Variants in RPN2 observed in about 807,000 individuals in gnomAD.
RPN2 encodes ribophorin II.
Under a neutral mutation model 71.4 loss-of-function variants are expected in RPN2, and 29 were observed. The observed-to-expected ratio is 0.41, with a 90% confidence interval of 0.30 to 0.55. RPN2 has a LOEUF of 0.55. Among genes scored for constraint, RPN2 ranks in the 20% least tolerant of loss-of-function variants. The probability of loss-of-function intolerance (pLI) is 0.35; values close to 1 mark genes in which losing one functional copy is unlikely to be tolerated. For synonymous variants in RPN2, 308 were observed against 305.0 expected, an observed-to-expected ratio of 1.01 and a Z score of -0.10; for missense variants, 726 against 774.1, an observed-to-expected ratio of 0.94 and a Z score of 0.74.
chr20:37,195,514 C>T (rs1474987569), intron 2 of RPN2, among the ~76,000 whole-genome samples: 2 of 152,166 alleles, frequency 1.3e-5, no homozygotes, highest in African/African-American at 4.8e-5. Flanking sequence ...GTTACTTTGC[C>T]TTTATAATGC....
chr20:37,200,405 G>A (rs1351383559), intron 4 of RPN2: 1 of 494,624 alleles, frequency 2.0e-6, no homozygotes, highest in Non-Finnish European at 4.1e-6. Context: ...TATTTTTTTT[G>A]TCATTTTATT....
intron 8 of RPN2, among the ~76,000 whole-genome samples, chr20:37,211,352 TG>T (rs2067659741): frequency 6.9e-6 from 1 of 144,332 alleles, no homozygotes; most frequent in South Asian, 2.5e-4. Flanking sequence ...AAATTAGAGA[TG>T]GGGGCCAGGT....
chr20:37,236,745 G>T (rs746770607), intron 16 of RPN2, 36 bp downstream of exon 16: 2 of 1,607,864 alleles, frequency 1.2e-6, no homozygotes, highest in Non-Finnish European at 8.5e-7. Flanking sequence ...CTAGAGTAGG[G>T]TTAGAAATAC....
At chr20:37,237,146 T>C (rs528635823) in intron 16 of RPN2, among the ~76,000 whole-genome samples, 2 of 152,162 alleles carry the variant, frequency 1.3e-5, no homozygotes, top group South Asian at 2.1e-4. Flanking sequence ...GTCTGTGTTA[T>C]TTCCCACAGA....
rs571996814 is a variant in RPN2, at chr20:37,231,750, T to C, written c.1582-546T>C. On this transcript the variant is annotated intron_variant, in intron 13 of 16. Coordinates refer to ENST00000237530, the MANE Select transcript of RPN2 (RefSeq NM_002951.5). Reference sequence around the variant, plus strand: ...AAAAGAAATGAGAGCGGGAAGTTCGTTTAGGGCTTCCTTAGAGCCATGGCT... The same window carrying C: ...AAAAGAAATGAGAGCGGGAAGTTCGCTTAGGGCTTCCTTAGAGCCATGGCT... 5.3e-5 allele frequency among the ~76,000 whole-genome samples: 8 copies of C among 150,846 alleles called. No homozygotes were observed. The East Asian group carries it at 1.6e-3, about 29-fold the overall frequency.
intron 7 of RPN2, 54 bp downstream of exon 7, chr20:37,207,503 G>T (rs1462364379): frequency 1.3e-6 from 2 of 1,551,782 alleles, no homozygotes; most frequent in East Asian, 4.5e-5. Context: ...CTAGTGGAAG[G>T]CTTTCAGAAA....
chr20:37,218,379 C>T (rs2067869521), intron 9 of RPN2, among the ~76,000 whole-genome samples: 1 of 151,998 alleles, frequency 6.6e-6, no homozygotes, highest in African/African-American at 2.4e-5. Context: ...CACTACTGCA[C>T]TCTAGCCTGG....
At chr20:37,224,816 G>C (rs7266776) in intron 10 of RPN2, among the ~76,000 whole-genome samples, 1 of 151,922 alleles carries the variant, frequency 6.6e-6, no homozygotes, top group Non-Finnish European at 1.5e-5. Flanking sequence ...TTAGCCAGAG[G>C]CTGGAAGCCA....
chr20:37,234,111 T>A lies in RPN2; in HGVS notation c.1753+16T>A. On this transcript the variant is annotated intron_variant, in intron 15 of 16. Transcript: ENST00000237530. The stretch of plus-strand genomic sequence containing the variant: ...GGACATGCTGGTAAGTGCCCCAGGC[T>A]GCTAATTACCTGTAACGTCCTCTGA... 1 of 1,613,552 alleles carries A rather than the reference T, an allele frequency of 6.2e-7. No homozygotes were observed.
chr20:37,217,212 G>A (rs1367370581), intron 9 of RPN2, among the ~76,000 whole-genome samples: 1 of 151,842 alleles, frequency 6.6e-6, no homozygotes, highest in Non-Finnish European at 1.5e-5. Context: ...GATTATAGGC[G>A]TGAACCACCA....
rs112872704 is a variant in RPN2 at position 37,196,239 on chromosome 20, T to G, written c.208-2158T>G. ...CGTGCCTAGTCTCCCCCCCACCTTT[T>G]TTTTTTTGAGACGGAGTCTCGCTCT... On this transcript the variant is annotated intron_variant, in intron 2 of 16. Coordinates refer to ENST00000237530, the MANE Select transcript of RPN2 (RefSeq NM_002951.5). 7.2e-3 allele frequency among the ~76,000 whole-genome samples: 1,095 copies of G among 151,976 alleles called. 14 individuals are homozygous for G. The highest frequency in any genetic ancestry group is 0.025 in the African/African-American group (1,046 of 41,458).
chr20:37,204,825 T>G lies in RPN2; in HGVS notation c.614T>G (p.Leu205Arg), dbSNP rs766743934. Reference sequence around the variant, plus strand: ...GTGTATCTCCAGTTTGAAGAAGGACTGGAAACAACAGCGTTATTTGTGGCT... The same window carrying G: ...GTGTATCTCCAGTTTGAAGAAGGACGGGAAACAACAGCGTTATTTGTGGCT... ...GGVYLQFEEG[L>R]ETTALFVAAT... Residue 205 changes from leucine to arginine, a missense_variant, in exon 6 of 17, where the codon CTG becomes CGG. Coordinates refer to ENST00000237530, the MANE Select transcript of RPN2 (RefSeq NM_002951.5). 1.5e-5 allele frequency: 24 copies of G among 1,614,052 alleles called. No individual in the cohort carries two copies. The highest frequency in any genetic ancestry group is 1.6e-4 in the Middle Eastern group (1 of 6,084).
At chr20:37,214,796 T>A (rs1008600189) in intron 9 of RPN2, among the ~76,000 whole-genome samples, 5 of 152,084 alleles carry the variant, frequency 3.3e-5, no homozygotes, top group Admixed American at 3.3e-4. Context: ...TTGAGTAAGG[T>A]GATTGTGTGC....
chr20:37,193,067 G>C (rs112941351), intron 2 of RPN2, among the ~76,000 whole-genome samples: 3,442 of 152,282 alleles, frequency 0.023, 53 homozygotes, highest in Middle Eastern at 0.034. Flanking sequence ...GTTGGAGGCT[G>C]CAGTGAGCTA....
intron 15 of RPN2, among the ~76,000 whole-genome samples, chr20:37,235,799 C>T (rs960850279): frequency 3.3e-5 from 5 of 151,740 alleles, no homozygotes; most frequent in African/African-American, 1.2e-4. Flanking sequence ...TATAGGCCTG[C>T]GCCACCACAC....
intron 4 of RPN2, 65 bp downstream of exon 4, chr20:37,199,290 A>AT: frequency 6.3e-7 from 1 of 1,583,654 alleles, no homozygotes; most frequent in Non-Finnish European, 8.6e-7. Flanking sequence ...AAGAGGGCTC[A>AT]TTCATTGGTT....
chr20:37,222,920 C>T (rs1407671578), intron 9 of RPN2, among the ~76,000 whole-genome samples: 1 of 152,206 alleles, frequency 6.6e-6, no homozygotes, highest in Admixed American at 6.5e-5. Flanking sequence ...AGAATTCAAA[C>T]ACTTTAAGAG....
rs1883509 is a variant in RPN2 at position 37,194,891 on chromosome 20, G to T, written c.208-3506G>T. 2.0e-5 allele frequency among the ~76,000 whole-genome samples: 3 copies of T among 151,920 alleles called. No individual in the cohort carries two copies. In the East Asian group the frequency reaches 5.8e-4, roughly 29 times the overall value. ...CAGTCTGAGAGGCAGCCAGAGTAGCGGGGAGCTGTTTATGGAGGAAATAGG... is the reference window on the plus strand; with the variant it reads ...CAGTCTGAGAGGCAGCCAGAGTAGCTGGGAGCTGTTTATGGAGGAAATAGG... On this transcript the variant is annotated intron_variant, in intron 2 of 16. Transcript: ENST00000237530.
At chr20:37,209,505 C>CT (rs2067602706) in intron 7 of RPN2, among the ~76,000 whole-genome samples, 1 of 150,644 alleles carries the variant, frequency 6.6e-6, no homozygotes, top group South Asian at 2.1e-4. Flanking sequence ...GGGTTTCCCT[C>CT]TGTTTTCCAG....
Sources: allele counts gnomAD v4.1 joint callset (sites outside exome capture counted in the v4.1 genomes callset), GRCh38; gene constraint gnomAD v4.1.1; transcripts MANE v1.5; gene names NCBI Gene and HGNC (gene_info 2026-07-23, HGNC 2026-07-21).